The following SDK1 variants were observed in gnomAD, a reference collection of about 807,000 sequenced individuals.
SDK1 encodes the protein sidekick cell adhesion molecule 1.
A neutral mutation model predicts 245.5 loss-of-function variants in SDK1; 157 were observed. The observed-to-expected ratio is 0.64, with a 90% CI of 0.56 to 0.73. The LOEUF (loss-of-function observed/expected upper bound fraction) is 0.73, where lower values mean the gene tolerates loss of function less well. SDK1 is among the 30% of genes least tolerant of loss of function. The probability of loss-of-function intolerance (pLI) is 0.00; values close to 1 mark genes in which losing one functional copy is unlikely to be tolerated. For synonymous variants in SDK1, 1,647 were observed against 1,278.5 expected, an observed-to-expected ratio of 1.29 and a Z score of -6.15; for missense variants, 3,583 against 3,002.3, an observed-to-expected ratio of 1.19 and a Z score of -4.52.
chr7:3,595,940 T>A (rs1302805422), intron 1 of SDK1, among the ~76,000 whole-genome samples: 2 of 148,296 alleles, frequency 1.3e-5, no homozygotes, highest in East Asian at 4.0e-4. Flanking sequence ...TGTTTTAACC[T>A]GTCTAATGGG....
intron 14 of SDK1, among the ~76,000 whole-genome samples, chr7:4,001,168 T>G (rs1178700947): frequency 6.6e-6 from 1 of 152,152 alleles, no homozygotes; most frequent in Non-Finnish European, 1.5e-5. Flanking sequence ...TCCCATAGCT[T>G]GAGCTCCAGG....
At chr7:3,391,993 G>A (rs1583789127) in intron 1 of SDK1, among the ~76,000 whole-genome samples, 1 of 142,448 alleles carries the variant, frequency 7.0e-6, no homozygotes, top group African/African-American at 3.0e-5. Context: ...ATATATGCAT[G>A]CTACCTAAGC....
intron 1 of SDK1, among the ~76,000 whole-genome samples, chr7:3,388,827 G>T (rs1781674630): frequency 1.3e-5 from 2 of 152,168 alleles, no homozygotes; most frequent in Admixed American, 6.5e-5. Context: ...TACTGTGTCA[G>T]GCACATGCTT....
intron 2 of SDK1, among the ~76,000 whole-genome samples, chr7:3,631,252 A>G (rs564985207): frequency 7.9e-5 from 12 of 152,126 alleles, no homozygotes; most frequent in South Asian, 6.2e-4. Context: ...TTTCTGTTTT[A>G]TTTTCTTTTA....
chr7:3,589,180 G>A (rs1459528594), intron 1 of SDK1, among the ~76,000 whole-genome samples: 1 of 152,112 alleles, frequency 6.6e-6, no homozygotes, highest in Admixed American at 6.5e-5. Flanking sequence ...CTCACAGTTG[G>A]CGTGGAGCTT....
intron 17 of SDK1, among the ~76,000 whole-genome samples, chr7:4,041,929 T>C (rs1489096851): frequency 1.5e-5 from 2 of 134,894 alleles, no homozygotes; most frequent in Admixed American, 6.9e-5. Flanking sequence ...TACTCCTGCC[T>C]CATCCTCCTG....
At chr7:4,138,390 A>C (rs964081668) in intron 28 of SDK1, among the ~76,000 whole-genome samples, 1 of 152,190 alleles carries the variant, frequency 6.6e-6, no homozygotes, top group African/African-American at 2.4e-5. Flanking sequence ...GAAATCGCAG[A>C]ATGAAAAACT....
chr7:3,486,578 A>G (rs556681889), intron 1 of SDK1, among the ~76,000 whole-genome samples: 1 of 151,956 alleles, frequency 6.6e-6, no homozygotes, highest in South Asian at 2.1e-4. Context: ...GCTGTTTCCC[A>G]GTCTTTATTT....
intron 44 of SDK1, among the ~76,000 whole-genome samples, chr7:4,256,892 A>G (rs1787666276): frequency 6.6e-6 from 1 of 152,190 alleles, no homozygotes; most frequent in South Asian, 2.1e-4. Flanking sequence ...CCACTCTCAG[A>G]ACTATTGCTA....
At chr7:3,901,587 G>T (rs532949604) in intron 5 of SDK1, among the ~76,000 whole-genome samples, 5 of 152,308 alleles carry the variant, frequency 3.3e-5, no homozygotes, top group African/African-American at 9.6e-5. Flanking sequence ...GCTAAATGGG[G>T]ACCAACAGGT....
chr7:4,234,913 C>A (rs1023856587), intron 41 of SDK1, among the ~76,000 whole-genome samples: 1 of 152,198 alleles, frequency 6.6e-6, no homozygotes, highest in Admixed American at 6.5e-5. Context: ...AGGGCCAGCT[C>A]TGTTGGTCCT....
intron 1 of SDK1, among the ~76,000 whole-genome samples, chr7:3,468,175 C>G (rs182798358): frequency 5.6e-4 from 85 of 152,270 alleles, no homozygotes; most frequent in African/African-American, 1.5e-3. Context: ...TTAACTGCAT[C>G]TGTTATTCAT....
At chr7:4,252,856 G>T (rs1787401342) in intron 44 of SDK1, among the ~76,000 whole-genome samples, 1 of 142,948 alleles carries the variant, frequency 7.0e-6, no homozygotes, top group Admixed American at 7.1e-5. Flanking sequence ...TGTTAAGTCA[G>T]TGTCACTCAT....
chr7:3,958,651 G>A (rs895981485), intron 7 of SDK1, among the ~76,000 whole-genome samples: 1 of 152,138 alleles, frequency 6.6e-6, no homozygotes, highest in Admixed American at 6.6e-5. Context: ...CGAACCTCTT[G>A]GGGTAGTCCT....
At chr7:3,471,205 CTGAG>C (rs752054902) in intron 1 of SDK1, among the ~76,000 whole-genome samples, 1 of 152,126 alleles carries the variant, frequency 6.6e-6, no homozygotes, top group Non-Finnish European at 1.5e-5. Context: ...CGTGAGAAGA[CTGAG>C]TGAGGTCCAA....
intron 7 of SDK1, among the ~76,000 whole-genome samples, chr7:3,955,052 G>A (rs1261205235): frequency 2.6e-5 from 4 of 151,966 alleles, no homozygotes; most frequent in African/African-American, 4.8e-5. Flanking sequence ...TCCGAGCCAC[G>A]CCTTCTCCAC....
chr7:3,456,246 T>G (rs1451210889), intron 1 of SDK1, among the ~76,000 whole-genome samples: 2 of 152,220 alleles, frequency 1.3e-5, no homozygotes, highest in Non-Finnish European at 2.9e-5. Context: ...AATCTGTAGA[T>G]TTATGTCTTT....
chr7:3,844,848 A>G (rs1248448647), intron 5 of SDK1, among the ~76,000 whole-genome samples: 2 of 152,238 alleles, frequency 1.3e-5, no homozygotes, highest in East Asian at 3.9e-4. Context: ...GCAGTTTGGT[A>G]TTCACAATCC....
intron 1 of SDK1, among the ~76,000 whole-genome samples, chr7:3,542,863 A>T (rs1779097097): frequency 1.3e-5 from 2 of 152,228 alleles, no homozygotes; most frequent in South Asian, 4.1e-4. Flanking sequence ...GAAGGAAAAT[A>T]AAAATTGATT....
Sources: allele counts gnomAD v4.1 joint callset (sites outside exome capture counted in the v4.1 genomes callset), GRCh38; gene constraint gnomAD v4.1.1; transcripts MANE v1.5; gene names NCBI Gene and HGNC (gene_info 2026-07-23, HGNC 2026-07-21).